TESMIN: variants seen among roughly 807,000 people sequenced by gnomAD.
The protein encoded by TESMIN is testis expressed metallothionein like protein.
In TESMIN, 34 loss-of-function variants were observed where a neutral mutation model predicts 47.4. That is an observed-to-expected ratio of 0.72 (90% CI 0.55 to 0.96). The LOEUF is 0.96. Ranked by LOEUF, TESMIN falls within the 40% of genes least tolerant of loss-of-function variation. The pLI is 0.00. For synonymous variants in TESMIN, 278 were observed against 258.9 expected (o/e 1.07, Z -0.71); for missense variants, 610 against 637.2 (o/e 0.96, Z 0.46).
chr11:68,739,489 A>T (rs969587134), intron 5 of TESMIN, among the ~76,000 whole-genome samples: 3 of 152,252 alleles, frequency 2.0e-5, no homozygotes, highest in Non-Finnish European at 4.4e-5. Context: ...ATTAAACCTC[A>T]TATCCTTGTC....
intron 6 of TESMIN, among the ~76,000 whole-genome samples, chr11:68,729,099 AG>A (rs564807677): frequency 1.8e-4 from 28 of 152,376 alleles, no homozygotes; most frequent in African/African-American, 6.5e-4. Flanking sequence ...TGCTATTGAT[AG>A]TGATTCTTCT....
chr11:68,710,994 T>C lies in TESMIN; in HGVS notation c.1214A>G (p.Glu405Gly), dbSNP rs142546011. The C allele has an allele frequency of 7.0e-4, 1,131 of 1,613,792 alleles. No homozygotes were observed. Among genetic ancestry groups the C allele is most frequent in the Middle Eastern group, 4.0e-3 (24 of 6,060 alleles). ...CKCIGCKNYE[E>G]SPERKTLMSM... ...CATTAGTGTCTTTCGTTCTGGGCTT[T>C]CTTCATAATTTTTGCAACCAATGCA... Residue 405 changes from glutamate to glycine, a missense_variant, in exon 9 of 10, where the codon GAA (glutamate) becomes GGA (glycine). Coordinates refer to ENST00000255087, the MANE Select transcript of TESMIN (RefSeq NM_004923.3).
At chr11:68,725,234 T>C (rs573718821) in intron 6 of TESMIN, among the ~76,000 whole-genome samples, 1 of 152,318 alleles carries the variant, frequency 6.6e-6, no homozygotes, top group African/African-American at 2.4e-5. Flanking sequence ...TTGCCATACA[T>C]GGTGCTAGAC....
At chr11:68,751,099 A>C in intron 1 of TESMIN, among the ~76,000 whole-genome samples, 1 of 22,904 alleles carries the variant, frequency 4.4e-5, no homozygotes, top group African/African-American at 1.8e-4. Context: ...CCAGGTGAGG[A>C]GCGACCAGGG....
At chr11:68,738,381 A>G (rs1300356520) in intron 6 of TESMIN, 1 of 1,098,632 alleles carries the variant, frequency 9.1e-7, no homozygotes, top group South Asian at 2.5e-5. Flanking sequence ...AGGCCAGTAC[A>G]GTTTGAATCA....
At chr11:68,718,839 G>T (rs1413979327) in intron 6 of TESMIN, among the ~76,000 whole-genome samples, 3 of 152,206 alleles carry the variant, frequency 2.0e-5, no homozygotes, top group African/African-American at 7.2e-5. Context: ...AAAGTCCAAA[G>T]AAAAACCATT....
rs1420128900 is a variant in TESMIN, at chr11:68,742,383, G to T, written c.763C>A (p.Pro255Thr). The change falls in exon 5 of 10, where the codon CCA becomes ACA. Residue 255 changes from proline to threonine, a missense_variant. Coordinates refer to ENST00000255087, the MANE Select transcript of TESMIN (RefSeq NM_004923.3). Reference sequence around the variant, plus strand: ...AATCTCCCTACTAAAGCAGTCATTGGTTTAGGGACATCTGTAAGGAAGATA... The same window carrying T: ...AATCTCCCTACTAAAGCAGTCATTGTTTTAGGGACATCTGTAAGGAAGATA... ...NNYLQSDVPK[P>T]MTALVGRFLP... The T allele has an allele frequency of 1.4e-5, 22 of 1,589,850 alleles. No individual in the cohort carries two copies. The highest frequency in any genetic ancestry group is 1.8e-5 in the Non-Finnish European group (21 of 1,162,512).
intron 5 of TESMIN, among the ~76,000 whole-genome samples, 161 bp downstream of exon 5, chr11:68,742,157 T>C (rs1036787442): frequency 2.0e-5 from 3 of 152,246 alleles, no homozygotes; most frequent in African/African-American, 7.2e-5. Context: ...GCCCACAGTG[T>C]CTGACACAGT....
rs924409244 is a variant in TESMIN at position 68,707,586 on chromosome 11, T to G, written c.*722A>C. ...AATAATAATATTACAACAATAATTA[T>G]GGAGAAGTTAATTGGATAATAGAGC... On this transcript the variant is annotated 3_prime_UTR_variant, in exon 10 of 10. Coordinates refer to ENST00000255087, the MANE Select transcript of TESMIN (RefSeq NM_004923.3). 1.4e-5 allele frequency: 3 copies of G among 216,470 alleles called. No homozygotes were observed. The highest frequency in any genetic ancestry group is 2.2e-5 in the African/African-American group (1 of 45,218). 13.4% of individuals were successfully genotyped at this position (216,470 alleles called of 1,614,324 possible).
chr11:68,706,386 C>T (rs950253249), downstream of TESMIN, among the ~76,000 whole-genome samples: 6 of 152,224 alleles, frequency 3.9e-5, no homozygotes, highest in Non-Finnish European at 8.8e-5. Flanking sequence ...CATCCTTGGC[C>T]AGCGCAGGCT....
At chr11:68,705,606 G>A (rs531220397), downstream of TESMIN, among the ~76,000 whole-genome samples, 2 of 152,146 alleles carry the variant, frequency 1.3e-5, no homozygotes, top group Non-Finnish European at 2.9e-5. Flanking sequence ...TTTCTTCTCC[G>A]TGTCTATGAA....
Position 68,750,271 on chromosome 11 carries a change from G to C in TESMIN, c.390C>G (p.Pro130=). ...CNVHFLSSLL[P]AHRSPAVLPL... The stretch of plus-strand genomic sequence containing the variant: ...GCAACACCGCCGGGCTGCGGTGCGC[G>C]GGTAGCAGCGAGGACAGGAAGTGCA... The change falls in exon 2 of 10, where the codon CCC becomes CCG. Residue 130 remains proline (P), a synonymous_variant. Transcript: ENST00000255087. The C allele has an allele frequency of 9.7e-6, 15 of 1,546,486 alleles. No individual in the cohort carries two copies. Among genetic ancestry groups the C allele is most frequent in the Non-Finnish European group, 1.1e-5 (13 of 1,155,338 alleles).
rs1946581944 is a variant in TESMIN, at chr11:68,750,558, G to T, written c.103C>A (p.Leu35Met). ...TCCTCGTACTTCACGGGGGCCTTCA[G>T]GCCGATGTTCTCCGAAGCGAACGGA... ...EGPFASENIG[L>M]KAPVKYEEDE... The change falls in exon 2 of 10, where the codon CTG becomes ATG. Residue 35 changes from leucine to methionine, a missense_variant. By Grantham distance (15) the Leu-to-Met change is conservative (BLOSUM62 2). Coordinates refer to ENST00000255087, the MANE Select transcript of TESMIN (RefSeq NM_004923.3). 1.2e-6 allele frequency: 2 copies of T among 1,607,854 alleles called. No homozygotes were observed. Among genetic ancestry groups the T allele is most frequent in the Admixed American group, 1.7e-5 (1 of 59,498 alleles).
At chr11:68,741,874 A>G (rs1946461336) in intron 5 of TESMIN, among the ~76,000 whole-genome samples, 1 of 152,238 alleles carries the variant, frequency 6.6e-6, no homozygotes, top group African/African-American at 2.4e-5. Context: ...GACACTTCAT[A>G]CCAAAACTCG....
chr11:68,712,626 G>A (rs1320228898), intron 8 of TESMIN, among the ~76,000 whole-genome samples: 3 of 152,346 alleles, frequency 2.0e-5, no homozygotes, highest in East Asian at 1.9e-4. Flanking sequence ...GTGAAACTGC[G>A]ACAGCACTGA....
chr11:68,711,750 G>C (rs1946075608), intron 8 of TESMIN, among the ~76,000 whole-genome samples: 1 of 152,218 alleles, frequency 6.6e-6, no homozygotes, highest in Admixed American at 6.5e-5. Context: ...CCTGAGAGCA[G>C]GCCTGTGGCT....
At position 68,726,123 on chromosome 11, in the gene TESMIN, C is replaced by T. The variant is rs148487513; in HGVS notation, c.918-10184G>A. 3.1e-3 allele frequency among the ~76,000 whole-genome samples: 465 copies of T among 152,180 alleles called. 3 individuals are homozygous for T. Among genetic ancestry groups the T allele is most frequent in the African/African-American group, 0.011 (440 of 41,510 alleles). On this transcript the variant is annotated intron_variant, in intron 6 of 9. Transcript: ENST00000255087. ...TCTAGGTGCTTTACGTATATTAACC[C>T]CAGTCGAAGGCACACTCAGGGTAGA...
chr11:68,713,893 C>T lies in TESMIN; in HGVS notation c.1021-486G>A, dbSNP rs149611514. On this transcript the variant is annotated intron_variant, in intron 7 of 9. Transcript: ENST00000255087. ...AACTAACGTATGATTGTTTTATACC[C>T]GGAGAAACCCAGGCACCGAGAGGTT... is the stretch of plus-strand genomic sequence containing the variant. 3.7e-3 allele frequency among the ~76,000 whole-genome samples: 562 copies of T among 152,080 alleles called. 5 individuals are homozygous for T. The highest frequency in any genetic ancestry group is 0.012 in the African/African-American group (505 of 41,470).
At chr11:68,734,061 C>A (rs540751007) in intron 6 of TESMIN, among the ~76,000 whole-genome samples, 2 of 152,164 alleles carry the variant, frequency 1.3e-5, no homozygotes, top group African/African-American at 2.4e-5. Context: ...GCTCTTTCCC[C>A]GCCAAAATCT....
Sources: gnomAD v4.1 joint callset for allele counts (sites outside exome capture counted in the v4.1 genomes callset) on GRCh38, gnomAD v4.1.1 for gene constraint, MANE v1.5 for transcripts, NCBI Gene and HGNC (gene_info 2026-07-23, HGNC 2026-07-21) for gene names.